SNX29: variants seen among roughly 807,000 people sequenced by gnomAD.
The protein encoded by SNX29 is sorting nexin 29.
A neutral mutation model predicts 102.1 loss-of-function variants in SNX29; 78 were observed. The ratio of observed to expected loss-of-function variants is 0.76; its 90% confidence interval spans 0.64 to 0.92. The LOEUF (loss-of-function observed/expected upper bound fraction) is 0.92, where lower values mean the gene tolerates loss of function less well. Ranked by LOEUF, SNX29 falls within the 40% of genes least tolerant of loss-of-function variation. The pLI is 0.00. For synonymous variants in SNX29, 580 were observed against 414.5 expected, an observed-to-expected ratio of 1.40 and a Z score of -4.85; for missense variants, 1,280 against 1,061.7, an observed-to-expected ratio of 1.21 and a Z score of -2.86.
chr16:12,445,195 C>G (rs576911809), intron 18 of SNX29, among the ~76,000 whole-genome samples: 50 of 152,096 alleles, frequency 3.3e-4, no homozygotes, highest in Non-Finnish European at 6.3e-4. Context: ...TGTAGTGCAG[C>G]CATGTCCATT....
intron 16 of SNX29, among the ~76,000 whole-genome samples, chr16:12,359,461 C>T (rs1257643950): frequency 6.6e-6 from 1 of 152,208 alleles, no homozygotes; most frequent in Non-Finnish European, 1.5e-5. Context: ...CAGCCTTTGT[C>T]CATTTTTCTA....
At chr16:11,983,072 G>A (rs772266793) in intron 1 of SNX29, among the ~76,000 whole-genome samples, 3 of 151,706 alleles carry the variant, frequency 2.0e-5, no homozygotes, top group African/African-American at 4.8e-5. Flanking sequence ...CTGGGATTAC[G>A]GGCGTGCACC....
intron 4 of SNX29, among the ~76,000 whole-genome samples, chr16:12,039,455 C>T (rs1268561553): frequency 5.3e-5 from 8 of 152,160 alleles, no homozygotes. Context: ...TAGCTGGTGA[C>T]ACATAGCCTA....
At chr16:12,187,730 C>A (rs1190534547) in intron 13 of SNX29, among the ~76,000 whole-genome samples, 3 of 128,454 alleles carry the variant, frequency 2.3e-5, no homozygotes, top group Non-Finnish European at 5.2e-5. Flanking sequence ...TGTTTATGTA[C>A]CTCTTCATGC....
intron 20 of SNX29, among the ~76,000 whole-genome samples, chr16:12,552,813 C>T (rs1283850572): frequency 6.6e-6 from 1 of 152,140 alleles, no homozygotes; most frequent in Non-Finnish European, 1.5e-5. Context: ...GAGAGAACAG[C>T]CAACAGTGTG....
chr16:12,433,236 C>G (rs1388616506), intron 18 of SNX29, among the ~76,000 whole-genome samples: 5 of 152,172 alleles, frequency 3.3e-5, no homozygotes, highest in Non-Finnish European at 7.3e-5. Context: ...AAAGAAATGT[C>G]TTGAGGGGAG....
At chr16:12,154,758 C>A (rs1327281339) in intron 13 of SNX29, among the ~76,000 whole-genome samples, 2 of 152,150 alleles carry the variant, frequency 1.3e-5, no homozygotes, top group Non-Finnish European at 2.9e-5. Flanking sequence ...CTGGGGAGGG[C>A]CTGTTTGCTG....
intron 16 of SNX29, among the ~76,000 whole-genome samples, chr16:12,381,000 C>CTCACT (rs2083099518): frequency 8.4e-6 from 1 of 118,472 alleles, no homozygotes. Context: ...CACCCACCCA[C>CTCACT]CATCCATCCA....
chr16:12,170,772 A>AGT (rs34565040), intron 13 of SNX29, among the ~76,000 whole-genome samples: 65,163 of 149,880 alleles, frequency 0.43, 18,715 homozygotes, highest in African/African-American at 0.83. Context: ...GAGGAGTGTG[A>AGT]GTGTGTGTGT....
At chr16:12,073,154 G>A (rs934032762) in intron 10 of SNX29, among the ~76,000 whole-genome samples, 12 of 151,558 alleles carry the variant, frequency 7.9e-5, no homozygotes, top group African/African-American at 2.9e-4. Context: ...AGGGTTTTTT[G>A]TGTCTCTATT....
At position 12,238,473 on chromosome 16, in the gene SNX29, G is replaced by T. The variant is rs944976879; in HGVS notation, c.1678+38790G>T. 2.6e-5 allele frequency among the ~76,000 whole-genome samples: 4 copies of T among 152,068 alleles called. No individual in the cohort carries two copies. In the South Asian group the frequency reaches 8.3e-4, roughly 32 times the overall value. ...CCCGAGTAGCTGGGATTACAGCCAC[G>T]TGCCACCATGCCGGCCAATTTTTGT... On this transcript the variant is annotated intron_variant, in intron 14 of 20. Transcript: ENST00000566228.
chr16:12,040,772 T>A (rs1278310024), intron 4 of SNX29, among the ~76,000 whole-genome samples: 1 of 152,210 alleles, frequency 6.6e-6, no homozygotes, highest in Admixed American at 6.5e-5. Flanking sequence ...AATAAATGAA[T>A]CAGGATACAA....
chr16:12,203,154 C>G (rs9933762), intron 14 of SNX29, among the ~76,000 whole-genome samples: 14,402 of 125,506 alleles, frequency 0.11, 781 homozygotes, highest in East Asian at 0.22. Flanking sequence ...AGTTGTATAT[C>G]GTGGCCCCAC....
chr16:12,190,171 C>T (rs532616048), intron 13 of SNX29, among the ~76,000 whole-genome samples: 1 of 152,278 alleles, frequency 6.6e-6, no homozygotes, highest in Admixed American at 6.5e-5. Context: ...CCTCCATCCT[C>T]TGACCACATC....
intron 20 of SNX29, among the ~76,000 whole-genome samples, chr16:12,554,886 C>T (rs79192676): frequency 6.6e-6 from 1 of 152,100 alleles, no homozygotes; most frequent in Non-Finnish European, 1.5e-5. Context: ...TGTCAGCATG[C>T]CATACAGGAC....
chr16:12,117,305 GCGTGGT>G (rs1196895594), intron 11 of SNX29, among the ~76,000 whole-genome samples: 34 of 147,150 alleles, frequency 2.3e-4, no homozygotes, highest in African/African-American at 4.3e-4. Context: ...GTGGAAACAG[GCGTGGT>G]CAATACGTGC....
intron 13 of SNX29, among the ~76,000 whole-genome samples, chr16:12,142,067 C>T (rs1172845750): frequency 1.3e-5 from 2 of 152,226 alleles, no homozygotes; most frequent in Admixed American, 1.3e-4. Context: ...TCTGCTTTAG[C>T]TCTTTCCCAA....
chr16:12,113,701 C>T (rs1340877131), intron 11 of SNX29, among the ~76,000 whole-genome samples: 1 of 152,254 alleles, frequency 6.6e-6, no homozygotes, highest in Non-Finnish European at 1.5e-5. Context: ...CCAGTGACAA[C>T]AGATGTTGGC....
Position 12,550,534 on chromosome 16 carries a change from A to C in SNX29, c.2319-17972A>C, listed in dbSNP as rs76610176. On this transcript the variant is annotated intron_variant, in intron 20 of 20. Coordinates refer to ENST00000566228, the MANE Select transcript of SNX29 (RefSeq NM_032167.5). Reference sequence around the variant, plus strand: ...TGGGAGACACAGTCTCAATCTACAAAAAAAAAAAAAAAACCAAACACCAAA... The same window carrying C: ...TGGGAGACACAGTCTCAATCTACAACAAAAAAAAAAAAACCAAACACCAAA... 2.2e-4 allele frequency among the ~76,000 whole-genome samples: 16 copies of C among 72,064 alleles called. No individual in the cohort carries two copies. In the South Asian group the frequency reaches 4.7e-3, roughly 21 times the overall value. 47.3% of individuals were successfully genotyped at this position (72,064 alleles called of 152,430 possible). A position where few individuals can be genotyped will look rare whatever the true frequency, so the allele number is the denominator to read the frequency against.
Sources: allele counts gnomAD v4.1 joint callset (sites outside exome capture counted in the v4.1 genomes callset), GRCh38; gene constraint gnomAD v4.1.1; transcripts MANE v1.5; gene names NCBI Gene and HGNC (gene_info 2026-07-23, HGNC 2026-07-21).